The following CTNNA2 variants were observed in gnomAD, a reference collection of about 807,000 sequenced individuals.
The protein encoded by CTNNA2 is catenin alpha-2.
Under a neutral mutation model 101.0 loss-of-function variants are expected in CTNNA2, and 42 were observed. The observed-to-expected ratio is 0.42, with a 90% CI of 0.32 to 0.54. CTNNA2 has a LOEUF of 0.54. CTNNA2 is among the 20% of genes least tolerant of loss of function. The pLI is 0.14. For synonymous variants in CTNNA2, 450 were observed against 456.4 expected, an observed-to-expected ratio of 0.99 and a Z score of 0.18; for missense variants, 871 against 1,223.1, an observed-to-expected ratio of 0.71 and a Z score of 4.29.
At chr2:79,907,323 T>TCATA (rs1553399961) in intron 6 of CTNNA2, among the ~76,000 whole-genome samples, 5 of 151,516 alleles carry the variant, frequency 3.3e-5, no homozygotes, top group Non-Finnish European at 7.4e-5. Flanking sequence ...ATTATATGGA[T>TCATA]TATATATATA....
chr2:79,815,833 T>C (rs1677447273), intron 3 of CTNNA2, among the ~76,000 whole-genome samples: 2 of 152,186 alleles, frequency 1.3e-5, no homozygotes, highest in African/African-American at 4.8e-5. Flanking sequence ...GCATTGAATT[T>C]GTAGATTGCT....
chr2:80,156,467 A>G (rs2148936752), intron 7 of CTNNA2, among the ~76,000 whole-genome samples: 1 of 152,300 alleles, frequency 6.6e-6, no homozygotes, highest in East Asian at 1.9e-4. Flanking sequence ...TCTAAGGTTC[A>G]CTTTCCTTAT....
intron 4 of CTNNA2, among the ~76,000 whole-genome samples, chr2:79,863,688 T>G (rs1222404503): frequency 1.3e-5 from 2 of 152,114 alleles, no homozygotes; most frequent in Non-Finnish European, 2.9e-5. Context: ...ATGGCAGATA[T>G]GAGGAGAAGC....
chr2:79,253,828 T>C (rs1472846695), intron 2 of CTNNA2, among the ~76,000 whole-genome samples: 1 of 152,136 alleles, frequency 6.6e-6, no homozygotes, highest in East Asian at 1.9e-4. Context: ...TATTTGTCGG[T>C]GATAGAGTTT....
chr2:79,702,563 G>C (rs1447974390), intron 2 of CTNNA2, among the ~76,000 whole-genome samples: 1 of 152,142 alleles, frequency 6.6e-6, no homozygotes, highest in Non-Finnish European at 1.5e-5. Context: ...TTTTGATTCT[G>C]AAAGGCAATG....
chr2:79,197,433 T>A (rs754490836), intron 1 of CTNNA2, among the ~76,000 whole-genome samples: 1 of 152,230 alleles, frequency 6.6e-6, no homozygotes, highest in Non-Finnish European at 1.5e-5. Context: ...CTGCCAGTCA[T>A]TGACCAAGTC....
At chr2:80,118,276 G>C (rs6742622) in intron 7 of CTNNA2, among the ~76,000 whole-genome samples, 1 of 152,026 alleles carries the variant, frequency 6.6e-6, no homozygotes, top group Non-Finnish European at 1.5e-5. Flanking sequence ...CGTGGGGCAT[G>C]AATAGTCATA....
At chr2:79,980,222 A>G (rs1186070030) in intron 7 of CTNNA2, among the ~76,000 whole-genome samples, 2 of 152,188 alleles carry the variant, frequency 1.3e-5, no homozygotes, top group Non-Finnish European at 2.9e-5. Flanking sequence ...GAGGATTTGC[A>G]CTACATTGGT....
chr2:80,420,034 GAAAAAAA>G (rs527701227), intron 9 of CTNNA2, among the ~76,000 whole-genome samples: 27 of 37,544 alleles, frequency 7.2e-4, no homozygotes, highest in Admixed American at 3.1e-3. Context: ...GGGAACTTGT[GAAAAAAA>G]AAAAAAAAAA....
chr2:79,446,377 G>GA (rs1296770479), intron 4 of CTNNA2, among the ~76,000 whole-genome samples: 16 of 151,948 alleles, frequency 1.1e-4, no homozygotes, highest in Non-Finnish European at 1.9e-4. Context: ...CCAGTATTTA[G>GA]AAAAAAACTT....
At chr2:80,605,618 G>C (rs1490788038) in intron 16 of CTNNA2, 2 of 151,702 alleles carry the variant, frequency 1.3e-5, no homozygotes, top group African/African-American at 2.4e-5. Flanking sequence ...AGCATCCCAG[G>C]CTCTAACATC....
chr2:80,436,939 T>C (rs920246225), intron 9 of CTNNA2, among the ~76,000 whole-genome samples: 3 of 152,220 alleles, frequency 2.0e-5, no homozygotes, highest in African/African-American at 7.2e-5. Flanking sequence ...AAAATTCTTA[T>C]GTTGAAACCT....
intron 11 of CTNNA2, among the ~76,000 whole-genome samples, chr2:80,549,183 A>G (rs1442047720): frequency 2.0e-5 from 3 of 152,200 alleles, no homozygotes; most frequent in African/African-American, 7.2e-5. Context: ...AAAACCTACA[A>G]TTTTTAATAG....
intron 1 of CTNNA2, chr2:79,547,001 T>G (rs1393589954): frequency 1.3e-5 from 2 of 152,072 alleles, no homozygotes; most frequent in Admixed American, 6.6e-5. Flanking sequence ...GAACGCTTGA[T>G]GTACTTGTTT....
rs149442934 is a variant in CTNNA2, at chr2:80,053,673, C to T, written c.1056+143876C>T. On this transcript the variant is annotated intron_variant, in intron 7 of 18. Transcript: ENST00000402739. ...TGGGATTATGCACTTCTAGCAAACT[C>T]CTAGCCCTTGATGCCTGAAATTCCA... 2.5e-3 allele frequency among the ~76,000 whole-genome samples: 376 copies of T among 152,322 alleles called. 1 individual carries two copies. Among genetic ancestry groups the T allele is most frequent in the African/African-American group, 8.7e-3 (362 of 41,568 alleles).
chr2:80,134,455 G>A (rs1319367186), intron 7 of CTNNA2, among the ~76,000 whole-genome samples: 4 of 152,156 alleles, frequency 2.6e-5, no homozygotes, highest in African/African-American at 9.7e-5. Flanking sequence ...GACCCAGCTT[G>A]TAAACCTTCC....
intron 7 of CTNNA2, among the ~76,000 whole-genome samples, chr2:79,943,792 G>T (rs1331833127): frequency 6.6e-6 from 1 of 152,212 alleles, no homozygotes; most frequent in African/African-American, 2.4e-5. Context: ...GATAGCCTTT[G>T]CCACAAGGCA....
At chr2:79,541,208 GTATA>G (rs10541673) in intron 1 of CTNNA2, among the ~76,000 whole-genome samples, 127 of 149,074 alleles carry the variant, frequency 8.5e-4, no homozygotes, top group African/African-American at 3.0e-3. Context: ...GAGTTTGTGT[GTATA>G]TATATATATA....
intron 9 of CTNNA2, among the ~76,000 whole-genome samples, chr2:80,454,349 T>C (rs753366313): frequency 6.6e-6 from 1 of 152,174 alleles, no homozygotes. Context: ...AGCAGTACGA[T>C]GCAGAGTTCA....
Sources: allele counts gnomAD v4.1 joint callset (sites outside exome capture counted in the v4.1 genomes callset), GRCh38; gene constraint gnomAD v4.1.1; transcripts MANE v1.5; gene names NCBI Gene and HGNC (gene_info 2026-07-23, HGNC 2026-07-21).